The following EFCAB6 variants were observed in gnomAD, a reference collection of about 807,000 sequenced individuals.
EFCAB6 encodes EF-hand calcium-binding domain-containing protein 6.
A neutral mutation model predicts 169.8 loss-of-function variants in EFCAB6; 156 were observed. That is an observed-to-expected ratio of 0.92 (90% CI 0.81 to 1.05). EFCAB6 has a LOEUF of 1.05. EFCAB6 is among the 50% of genes least tolerant of loss of function. EFCAB6 has a pLI of 0.00. For synonymous variants in EFCAB6, 698 were observed against 676.4 expected (o/e 1.03, Z -0.50); for missense variants, 1,800 against 1,829.1 (o/e 0.98, Z 0.29).
chr22:43,771,386 C>A (rs774386271), intron 4 of EFCAB6, among the ~76,000 whole-genome samples: 2 of 151,886 alleles, frequency 1.3e-5, no homozygotes, highest in African/African-American at 2.4e-5. Flanking sequence ...GCCAAGATAG[C>A]GCCACTGCAC....
chr22:43,555,303 A>G (rs1049789009), intron 26 of EFCAB6, among the ~76,000 whole-genome samples: 1 of 152,150 alleles, frequency 6.6e-6, no homozygotes, highest in African/African-American at 2.4e-5. Context: ...CCTGCCATGA[A>G]GGATCCAGCG....
intron 23 of EFCAB6, among the ~76,000 whole-genome samples, chr22:43,591,507 GT>G (rs137712): frequency 1 from 151,285 of 151,288 alleles, 75,641 homozygotes; most frequent in Middle Eastern, 1. Flanking sequence ...ACCACGTGGT[GT>G]TGAATCAATG....
At chr22:43,757,735 C>T (rs2061010460) in intron 5 of EFCAB6, among the ~76,000 whole-genome samples, 1 of 151,990 alleles carries the variant, frequency 6.6e-6, no homozygotes, top group South Asian at 2.1e-4. Flanking sequence ...GCAGTTCAGC[C>T]TCTCCCTCTG....
chr22:43,667,139 G>T lies in EFCAB6; in HGVS notation c.1948C>A (p.Pro650Thr). The change falls in exon 17 of 32, where the codon CCT becomes ACT. Residue 650 changes from proline to threonine, a missense_variant. Transcript: ENST00000262726. ...TCATGCACGTTAATTTTTCCATTAG[G>T]CTCCTTGCTGAAGTCAAGAAATCGT... ...KKRFLDFSKE[P>T]NGKINVHDFK... 6.2e-7 allele frequency: 1 copy of T among 1,613,896 alleles called. No individual in the cohort carries two copies. Among genetic ancestry groups the T allele is most frequent in the South Asian group, 1.1e-5 (1 of 91,034 alleles).
At chr22:43,533,703 G>A (rs898880691) in intron 30 of EFCAB6, among the ~76,000 whole-genome samples, 6 of 152,162 alleles carry the variant, frequency 3.9e-5, no homozygotes, top group African/African-American at 9.7e-5. Context: ...AGACCCTGGC[G>A]TCTCATGCTG....
chr22:43,678,965 T>C (rs1387860723), intron 12 of EFCAB6, among the ~76,000 whole-genome samples: 1 of 152,178 alleles, frequency 6.6e-6, no homozygotes, highest in Non-Finnish European at 1.5e-5. Flanking sequence ...ATTAAGTACT[T>C]TAGGGGATAT....
intron 29 of EFCAB6, chr22:43,535,212 G>A (rs1569115604): frequency 4.6e-6 from 1 of 216,646 alleles, no homozygotes; most frequent in Non-Finnish European, 9.0e-6. Context: ...TGTGTGAGGA[G>A]CAGGGGAAGG....
chr22:43,707,271 T>C (rs1433609608), intron 10 of EFCAB6, among the ~76,000 whole-genome samples: 1 of 151,842 alleles, frequency 6.6e-6, no homozygotes, highest in African/African-American at 2.4e-5. Context: ...TAAAAGACAG[T>C]TTAAGAGACA....
chr22:43,649,276 G>T (rs562131593), intron 17 of EFCAB6, among the ~76,000 whole-genome samples: 20 of 152,264 alleles, frequency 1.3e-4, no homozygotes, highest in South Asian at 2.1e-4. Context: ...AGAACAAATC[G>T]CAGTGGCAAA....
rs749000830 is a variant in EFCAB6 at position 43,671,922 on chromosome 22, C to G, written c.1640+51G>C. 5.6e-6 allele frequency: 9 copies of G among 1,593,170 alleles called. No homozygotes were observed. The East Asian group carries it at 6.7e-5, about 12-fold the overall frequency. The stretch of plus-strand genomic sequence containing the variant: ...ACAGAAAAGGTTTAGAATTATGGAA[C>G]AGGCCTGATGAAAAACACGACATGA... On this transcript the variant is annotated intron_variant, in intron 15 of 31. Transcript: ENST00000262726.
intron 8 of EFCAB6, among the ~76,000 whole-genome samples, chr22:43,721,262 C>T (rs5764240): frequency 0.76 from 115,264 of 151,680 alleles, 43,926 homozygotes; most frequent in East Asian, 0.86. Context: ...TCTATGCTTA[C>T]GGATTGAAAG....
intron 21 of EFCAB6, among the ~76,000 whole-genome samples, chr22:43,612,131 C>A (rs2053355913): frequency 6.6e-6 from 1 of 152,090 alleles, no homozygotes; most frequent in Non-Finnish European, 1.5e-5. Flanking sequence ...GAAACTGGGC[C>A]CCTTCCTTAT....
chr22:43,667,557 G>A (rs1004386998), intron 16 of EFCAB6, among the ~76,000 whole-genome samples: 6 of 152,168 alleles, frequency 3.9e-5, no homozygotes, highest in Non-Finnish European at 7.3e-5. Context: ...TATGGTCCTC[G>A]AGATTTTCAG....
At chr22:43,604,114 G>A (rs2052737401) in intron 22 of EFCAB6, among the ~76,000 whole-genome samples, 1 of 152,064 alleles carries the variant, frequency 6.6e-6, no homozygotes, top group Non-Finnish European at 1.5e-5. Flanking sequence ...CCCAGAAGCT[G>A]AGCAGATGCC....
At chr22:43,599,963 T>G in intron 23 of EFCAB6, 106 bp downstream of exon 23, 6 of 1,236,828 alleles carry the variant, frequency 4.9e-6, no homozygotes, top group Non-Finnish European at 6.7e-6. Context: ...CATTTCCCTG[T>G]AACTTTGCCA....
chr22:43,543,555 A>T (rs1286428502), intron 27 of EFCAB6, among the ~76,000 whole-genome samples: 2 of 151,996 alleles, frequency 1.3e-5, no homozygotes, highest in African/African-American at 2.4e-5. Context: ...GCTCTGGGGG[A>T]GGGGAAGGAT....
rs777046131 is a variant in EFCAB6, at chr22:43,632,209, G to C, written c.2128C>G (p.Pro710Ala). ...DPPMRGPETT[P>A]PQPPTPSKSY... ...TTTGAAGGAGTTGGAGGCTGCGGCG[G>C]AGTGGTTTCCGGCCCTCTCATTGGA... is the stretch of plus-strand genomic sequence containing the variant. The change falls in exon 19 of 32, where the codon CCG becomes GCG. Residue 710 changes from proline (P) to alanine (A), a missense_variant. By Grantham distance (27) the Pro-to-Ala change is conservative. Transcript: ENST00000262726. 1 of 1,614,082 alleles carries C rather than the reference G, an allele frequency of 6.2e-7. No homozygotes were observed.
At chr22:43,791,049 C>T (rs1373477626) in intron 2 of EFCAB6, among the ~76,000 whole-genome samples, 1 of 152,142 alleles carries the variant, frequency 6.6e-6, no homozygotes, top group African/African-American at 2.4e-5. Context: ...AGTAGATATA[C>T]TGAATAGGTC....
At chr22:43,781,322 T>C (rs569127905) in intron 3 of EFCAB6, among the ~76,000 whole-genome samples, 60 of 152,086 alleles carry the variant, frequency 3.9e-4, no homozygotes, top group Non-Finnish European at 7.4e-4. Flanking sequence ...AAGATGTCTA[T>C]TTATTATTAT....
Sources: gnomAD v4.1 joint callset for allele counts (sites outside exome capture counted in the v4.1 genomes callset) on GRCh38, gnomAD v4.1.1 for gene constraint, MANE v1.5 for transcripts, NCBI Gene and HGNC (gene_info 2026-07-23, HGNC 2026-07-21) for gene names.